The following ZSWIM6 variants were observed in gnomAD, a reference collection of about 807,000 sequenced individuals.
ZSWIM6 encodes the protein zinc finger SWIM domain-containing protein 6.
In ZSWIM6, 9 loss-of-function variants were observed where a neutral mutation model predicts 113.2. The ratio of observed to expected loss-of-function variants is 0.08; its 90% confidence interval spans 0.05 to 0.14. The LOEUF is 0.14. Ranked by LOEUF, ZSWIM6 falls within the 10% of genes least tolerant of loss-of-function variation. The pLI, the probability that ZSWIM6 is intolerant of heterozygous loss-of-function variation, is 1.00. For missense variants in ZSWIM6, 1,162 were observed against 1,552.2 expected (o/e 0.75, Z 4.22); for synonymous variants, 611 against 606.5 (o/e 1.01, Z -0.11).
intron 1 of ZSWIM6, among the ~76,000 whole-genome samples, chr5:61,412,173 A>T (rs755431885): frequency 4.6e-5 from 7 of 152,212 alleles, no homozygotes; most frequent in African/African-American, 1.7e-4. Context: ...GGGAATTGAG[A>T]TTGGGACCCT....
At chr5:61,398,213 G>C (rs1455883559) in intron 1 of ZSWIM6, among the ~76,000 whole-genome samples, 2 of 152,160 alleles carry the variant, frequency 1.3e-5, no homozygotes, top group African/African-American at 4.8e-5. Flanking sequence ...GTGAGTGGCA[G>C]GCAATTGAGC....
At chr5:61,424,465 AG>A in intron 1 of ZSWIM6, among the ~76,000 whole-genome samples, 1 of 152,324 alleles carries the variant, frequency 6.6e-6, no homozygotes, top group South Asian at 2.1e-4. Context: ...GGTCTCGCCT[AG>A]GGAGAGCAGA....
At chr5:61,408,048 A>G (rs1317113262) in intron 1 of ZSWIM6, among the ~76,000 whole-genome samples, 1 of 152,216 alleles carries the variant, frequency 6.6e-6, no homozygotes, top group Non-Finnish European at 1.5e-5. Context: ...CACCAGCATT[A>G]TTTGTAATAG....
chr5:61,364,163 GCCT>G (rs1417820184), intron 1 of ZSWIM6, among the ~76,000 whole-genome samples: 1 of 151,658 alleles, frequency 6.6e-6, no homozygotes, highest in Non-Finnish European at 1.5e-5. Flanking sequence ...TCCCACCTCC[GCCT>G]CCTGAGTAGC....
At chr5:61,491,539 A>G (rs1748175935) in intron 3 of ZSWIM6, among the ~76,000 whole-genome samples, 1 of 152,108 alleles carries the variant, frequency 6.6e-6, no homozygotes, top group Admixed American at 6.6e-5. Context: ...CATCTTCATC[A>G]TTAAAAATTG....
At chr5:61,525,548 C>T (rs934403229) in intron 5 of ZSWIM6, among the ~76,000 whole-genome samples, 2 of 152,096 alleles carry the variant, frequency 1.3e-5, no homozygotes, top group African/African-American at 4.8e-5. Context: ...TTTTGCAGGA[C>T]GCCTTTAACC....
At chr5:61,468,738 G>A (rs992069623) in intron 1 of ZSWIM6, among the ~76,000 whole-genome samples, 1 of 152,144 alleles carries the variant, frequency 6.6e-6, no homozygotes, top group African/African-American at 2.4e-5. Flanking sequence ...TTGTCCTGTG[G>A]GTTCTCAGGT....
At chr5:61,437,495 G>A (rs1275533610) in intron 1 of ZSWIM6, among the ~76,000 whole-genome samples, 1 of 152,028 alleles carries the variant, frequency 6.6e-6, no homozygotes, top group Non-Finnish European at 1.5e-5. Context: ...AGCTGAGGTG[G>A]GCAGATTGCT....
At chr5:61,375,137 C>T in intron 1 of ZSWIM6, 1 of 1,611,272 alleles carries the variant, frequency 6.2e-7, no homozygotes, top group Non-Finnish European at 8.5e-7. Flanking sequence ...AATCGGGTGG[C>T]CTATATGAAC....
intron 1 of ZSWIM6, among the ~76,000 whole-genome samples, chr5:61,349,439 G>A (rs1452671469): frequency 6.6e-6 from 1 of 152,136 alleles, no homozygotes; most frequent in Non-Finnish European, 1.5e-5. Context: ...GAAAAAAATA[G>A]CTCCAGTTTC....
At chr5:61,386,510 TC>T (rs1745595722) in intron 1 of ZSWIM6, among the ~76,000 whole-genome samples, 2 of 152,180 alleles carry the variant, frequency 1.3e-5, no homozygotes, top group East Asian at 3.8e-4. Context: ...ATGGCTACCC[TC>T]TTTTTCAGTC....
At chr5:61,490,764 T>C (rs1012945485) in intron 2 of ZSWIM6, 22 bp from the exon 3 acceptor site, 13 of 1,543,318 alleles carry the variant, frequency 8.4e-6, no homozygotes, top group Admixed American at 8.0e-5. Context: ...CTGTGTGTTA[T>C]TATTTTTCTT....
At chr5:61,408,742 C>T (rs561305419) in intron 1 of ZSWIM6, among the ~76,000 whole-genome samples, 2 of 152,380 alleles carry the variant, frequency 1.3e-5, no homozygotes, top group South Asian at 2.1e-4. Context: ...GTCTGGCTGC[C>T]AGCCAAACCT....
At chr5:61,374,585 G>A (rs1276753640) in intron 1 of ZSWIM6, among the ~76,000 whole-genome samples, 4 of 152,010 alleles carry the variant, frequency 2.6e-5, no homozygotes, top group South Asian at 4.1e-4. Context: ...ATGGAGTCTC[G>A]CTCTGTCGCC....
At chr5:61,438,395 C>T (rs1284198963) in intron 1 of ZSWIM6, among the ~76,000 whole-genome samples, 1 of 152,176 alleles carries the variant, frequency 6.6e-6, no homozygotes, top group East Asian at 1.9e-4. Context: ...AGTAAGGAAT[C>T]TAGAATATAA....
intron 1 of ZSWIM6, among the ~76,000 whole-genome samples, chr5:61,336,707 A>T (rs1472350607): frequency 6.6e-6 from 1 of 152,154 alleles, no homozygotes; most frequent in African/African-American, 2.4e-5. Flanking sequence ...GTGAACTGAG[A>T]TCGCATCATT....
intron 1 of ZSWIM6, among the ~76,000 whole-genome samples, chr5:61,371,169 T>A (rs1342490481): frequency 1.3e-5 from 2 of 152,226 alleles, no homozygotes; most frequent in Non-Finnish European, 2.9e-5. Context: ...GAAAAATCCC[T>A]TGCCTTTTTA....
chr5:61,530,058 C>A lies in ZSWIM6; in HGVS notation c.1844C>A (p.Pro615His), dbSNP rs1453289442. 34 of 1,550,554 alleles carry A rather than the reference C, an allele frequency of 2.2e-5. No homozygotes were observed. The highest frequency in any genetic ancestry group is 2.4e-5 in the Non-Finnish European group (28 of 1,146,358). The change falls in exon 8 of 14, where the codon CCC becomes CAC. Residue 615 changes from proline (P) to histidine (H), a missense_variant. By Grantham distance (77) the Pro-to-His change is moderately conservative. Around this residue, in one of 4 missense-constraint regions of ZSWIM6, gnomAD observed 620 missense variants for 804.6 expected, o/e 0.77. Transcript: ENST00000252744. The stretch of plus-strand genomic sequence containing the variant: ...ATTCCCTTTCCTTACACAGAGCTAC[C>A]CCATAAAAACATAACCTCGATAACC... ...EMFRTQKKEL[P>H]HKNITSITNL...
At chr5:61,425,319 T>C (rs961662464) in intron 1 of ZSWIM6, among the ~76,000 whole-genome samples, 1 of 152,168 alleles carries the variant, frequency 6.6e-6, no homozygotes, top group African/African-American at 2.4e-5. Flanking sequence ...ACATCTACAT[T>C]TTAGGATTGT....
Sources: gnomAD v4.1 joint callset for allele counts (sites outside exome capture counted in the v4.1 genomes callset) on GRCh38, gnomAD v4.1.1 for gene constraint, gnomAD v4.1.1 regional missense constraint, MANE v1.5 for transcripts, NCBI Gene and HGNC (gene_info 2026-07-23, HGNC 2026-07-21) for gene names.